Variants in FCHSD2 observed in about 807,000 individuals in gnomAD.
FCHSD2 encodes FCH and double SH3 domains 2.
Under a neutral mutation model 108.1 loss-of-function variants are expected in FCHSD2, and 38 were observed. The ratio of observed to expected loss-of-function variants is 0.35; its 90% confidence interval spans 0.27 to 0.46. FCHSD2 has a LOEUF of 0.46. FCHSD2 is among the 20% of genes least tolerant of loss of function. FCHSD2 has a pLI of 1.00. For synonymous variants in FCHSD2, 279 were observed against 314.7 expected (o/e 0.89, Z 1.20); for missense variants, 751 against 897.8 (o/e 0.84, Z 2.09).
At chr11:73,005,221 T>C (rs1473341865) in intron 4 of FCHSD2, among the ~76,000 whole-genome samples, 4 of 152,240 alleles carry the variant, frequency 2.6e-5, no homozygotes, top group African/African-American at 2.4e-5. Context: ...CTCTCTTTTA[T>C]AGAAAAACTC....
intron 10 of FCHSD2, among the ~76,000 whole-genome samples, chr11:72,892,842 G>C (rs916431255): frequency 9.2e-5 from 14 of 151,926 alleles, no homozygotes; most frequent in African/African-American, 3.4e-4. Context: ...TTGACCTCGT[G>C]ATCCACCCGC....
Position 72,849,843 on chromosome 11 carries a change from T to C in FCHSD2, c.1355A>G (p.Asn452Ser). Residue 452 changes from asparagine (N) to serine (S), a missense_variant, in exon 14 of 20, where the codon AAC (asparagine) becomes AGC (serine). Physicochemically the swap from Asn to Ser is conservative, Grantham distance 46. Coordinates refer to ENST00000409418, the MANE Select transcript of FCHSD2 (RefSeq NM_014824.3). ...ACTGCTGTCATCGAAAACATCCATG[T>C]TATCTTCAAACTCTTCGCCTTCTTC... ...EREEGEEFEDNMDVFDDSSSS... is the reference protein window; with the variant it reads ...EREEGEEFEDSMDVFDDSSSS... The C allele has an allele frequency of 6.2e-7, 1 of 1,613,192 alleles. No homozygotes were observed. The highest frequency in any genetic ancestry group is 8.5e-7 in the Non-Finnish European group (1 of 1,179,170).
chr11:72,895,041 C>A (rs1383774321), intron 10 of FCHSD2, among the ~76,000 whole-genome samples: 1 of 152,138 alleles, frequency 6.6e-6, no homozygotes, highest in Non-Finnish European at 1.5e-5. Context: ...TGCCACACAC[C>A]TTGAAGAGGA....
At chr11:72,840,602 T>C (rs1860893146) in intron 19 of FCHSD2, among the ~76,000 whole-genome samples, 1 of 152,220 alleles carries the variant, frequency 6.6e-6, no homozygotes, top group Non-Finnish European at 1.5e-5. Flanking sequence ...GCTTTAATGC[T>C]CATAAAGTTT....
At chr11:72,984,778 C>T (rs1355850215) in intron 7 of FCHSD2, among the ~76,000 whole-genome samples, 2 of 152,220 alleles carry the variant, frequency 1.3e-5, no homozygotes, top group Non-Finnish European at 2.9e-5. Flanking sequence ...CCAAAGCCCC[C>T]GGATTAAGTC....
rs1181620841 is a variant in FCHSD2, at chr11:72,993,099, G to C, written c.388-4002C>G. Among the ~76,000 whole-genome samples, 3 of 152,132 alleles carry C rather than the reference G, an allele frequency of 2.0e-5. No homozygotes were observed. In the East Asian group the frequency reaches 5.8e-4, roughly 29 times the overall value. ...CAACCCCATCAAAAAGTGGGCAAAG[G>C]ATATGAACAGACACTTCTCAAAAGA... On this transcript the variant is annotated intron_variant, in intron 5 of 19. Coordinates refer to ENST00000409418, the MANE Select transcript of FCHSD2 (RefSeq NM_014824.3).
chr11:72,977,903 G>A (rs1258735772), intron 8 of FCHSD2, among the ~76,000 whole-genome samples: 2 of 152,296 alleles, frequency 1.3e-5, no homozygotes, highest in Non-Finnish European at 2.9e-5. Context: ...GCAAAGACTT[G>A]GAACCAACCC....
intron 9 of FCHSD2, among the ~76,000 whole-genome samples, chr11:72,910,280 G>A (rs1034294356): frequency 6.6e-6 from 1 of 152,240 alleles, no homozygotes; most frequent in East Asian, 1.9e-4. Context: ...GAAGTGAGGA[G>A]CGCCTTTGTC....
At chr11:73,029,752 C>T (rs532286163) in intron 3 of FCHSD2, among the ~76,000 whole-genome samples, 2 of 152,190 alleles carry the variant, frequency 1.3e-5, no homozygotes, top group African/African-American at 4.8e-5. Flanking sequence ...TTTTGAGAAC[C>T]ACACATTGAA....
chr11:73,121,656 CA>C (rs1323442733), intron 2 of FCHSD2, among the ~76,000 whole-genome samples: 1,905 of 127,440 alleles, frequency 0.015, 24 homozygotes, highest in African/African-American at 0.04. Flanking sequence ...TGTTAAGGGC[CA>C]AAAAAAAAAA....
chr11:73,112,343 A>G (rs947550207), intron 2 of FCHSD2, among the ~76,000 whole-genome samples: 38 of 152,204 alleles, frequency 2.5e-4, no homozygotes, highest in African/African-American at 8.9e-4. Context: ...GTTTCCACAG[A>G]AAAGTCTGCT....
At chr11:72,855,555 T>C (rs1437504179) in intron 13 of FCHSD2, among the ~76,000 whole-genome samples, 1 of 152,092 alleles carries the variant, frequency 6.6e-6, no homozygotes, top group African/African-American at 2.4e-5. Context: ...GCCACTAAAC[T>C]TACACTTAAA....
At chr11:73,112,671 C>T (rs1039153336) in intron 2 of FCHSD2, among the ~76,000 whole-genome samples, 19 of 152,078 alleles carry the variant, frequency 1.2e-4, no homozygotes, top group African/African-American at 3.1e-4. Context: ...GTTGTTGAGA[C>T]GGTGTCTCGC....
intron 3 of FCHSD2, among the ~76,000 whole-genome samples, chr11:73,060,910 C>T (rs1035696694): frequency 6.6e-6 from 1 of 152,128 alleles, no homozygotes; most frequent in Admixed American, 6.5e-5. Flanking sequence ...GTGAGATTCC[C>T]GTGTTCATGA....
At chr11:73,125,048 C>T (rs1860821461) in intron 2 of FCHSD2, among the ~76,000 whole-genome samples, 1 of 152,098 alleles carries the variant, frequency 6.6e-6, no homozygotes, top group South Asian at 2.1e-4. Flanking sequence ...AATATCTTCC[C>T]AAAGTGAGGG....
intron 8 of FCHSD2, among the ~76,000 whole-genome samples, chr11:72,928,896 C>T (rs971850463): frequency 2.6e-5 from 4 of 151,890 alleles, no homozygotes; most frequent in Non-Finnish European, 5.9e-5. Context: ...CAACAGTCCC[C>T]GATGTGTGAT....
intron 2 of FCHSD2, among the ~76,000 whole-genome samples, chr11:73,122,445 T>C (rs1860756980): frequency 6.6e-6 from 1 of 152,188 alleles, no homozygotes; most frequent in South Asian, 2.1e-4. Flanking sequence ...GACTGCACTA[T>C]CCTGCACAAA....
rs572998014 is a variant in FCHSD2, at chr11:72,897,063, T to C, written c.924+5480A>G. Among the ~76,000 whole-genome samples, 582 of 152,034 alleles carry C rather than the reference T, an allele frequency of 3.8e-3. 2 individuals carry two copies. The highest frequency in any genetic ancestry group is 6.6e-3 in the Non-Finnish European group (451 of 67,966). On this transcript the variant is annotated intron_variant, in intron 10 of 19. Transcript: ENST00000409418. ...GGATGGTCTCAATCTCCTGACCTCA[T>C]GATCCGCCCATCTCAGCTCTCAGCC... is the stretch of plus-strand genomic sequence containing the variant.
intron 2 of FCHSD2, among the ~76,000 whole-genome samples, chr11:73,094,721 T>G (rs1860036481): frequency 6.6e-6 from 1 of 152,182 alleles, no homozygotes; most frequent in Admixed American, 6.5e-5. Context: ...AGGGAACTAG[T>G]GCTTTTATTA....
Sources: allele counts gnomAD v4.1 joint callset (sites outside exome capture counted in the v4.1 genomes callset), GRCh38; gene constraint gnomAD v4.1.1; transcripts MANE v1.5; gene names NCBI Gene and HGNC (gene_info 2026-07-23, HGNC 2026-07-21).